Variants in HACE1 observed in about 807,000 individuals in gnomAD.
HACE1 encodes E3 ubiquitin-protein ligase HACE1.
Under a neutral mutation model 118.4 loss-of-function variants are expected in HACE1, and 73 were observed. That is an observed-to-expected ratio of 0.62 (90% CI 0.51 to 0.75). The LOEUF is 0.75. Ranked by LOEUF, HACE1 falls within the 30% of genes least tolerant of loss-of-function variation. The probability of loss-of-function intolerance (pLI) is 0.00; values close to 1 mark genes in which losing one functional copy is unlikely to be tolerated. For synonymous variants in HACE1, 368 were observed against 374.8 expected, an observed-to-expected ratio of 0.98 and a Z score of 0.21; for missense variants, 749 against 1,102.2, an observed-to-expected ratio of 0.68 and a Z score of 4.54.
chr6:104,834,347 T>C (rs954618605), intron 5 of HACE1, among the ~76,000 whole-genome samples: 2 of 152,220 alleles, frequency 1.3e-5, no homozygotes, highest in African/African-American at 4.8e-5. Flanking sequence ...CAATGCTATA[T>C]TCCTTACTTC....
At chr6:104,827,360 C>T (rs916405841) in intron 6 of HACE1, among the ~76,000 whole-genome samples, 1 of 152,118 alleles carries the variant, frequency 6.6e-6, no homozygotes, top group African/African-American at 2.4e-5. Flanking sequence ...TGAGTTATGG[C>T]AATGCACAAA....
intron 17 of HACE1, among the ~76,000 whole-genome samples, chr6:104,776,098 A>C (rs1781205843): frequency 6.6e-6 from 1 of 152,238 alleles, no homozygotes; most frequent in South Asian, 2.1e-4. Flanking sequence ...ATAGGGCACA[A>C]GCACCATTTC....
chr6:104,826,067 A>G (rs1322534136), intron 6 of HACE1, among the ~76,000 whole-genome samples: 1 of 152,122 alleles, frequency 6.6e-6, no homozygotes, highest in Non-Finnish European at 1.5e-5. Flanking sequence ...AGGAGCATGA[A>G]CTCTGTTGTA....
chr6:104,762,114 G>A (rs1779423424), intron 19 of HACE1, among the ~76,000 whole-genome samples: 2 of 152,182 alleles, frequency 1.3e-5, no homozygotes, highest in South Asian at 4.1e-4. Flanking sequence ...GTGTAAATTA[G>A]TTCAACCATT....
chr6:104,831,984 AAG>A (rs369448011), intron 6 of HACE1, among the ~76,000 whole-genome samples: 278 of 58,260 alleles, frequency 4.8e-3, no homozygotes, highest in East Asian at 0.021. Context: ...AGAAGAGAGG[AAG>A]GAAGGAAGGA....
rs1042923175 is a variant in HACE1 at position 104,845,405 on chromosome 6, A to G, written c.327-2107T>C. Among the ~76,000 whole-genome samples the G allele has an allele frequency of 2.7e-4, 41 of 152,236 alleles. 1 individual carries two copies. The highest frequency in any genetic ancestry group is 2.2e-3 in the Admixed American group (34 of 15,282). On this transcript the variant is annotated intron_variant, in intron 4 of 23. Coordinates refer to ENST00000262903, the MANE Select transcript of HACE1 (RefSeq NM_020771.4). ...TACTTTTCTTGCTTTTTGTACTTGT[A>G]ATGAAGTTAAATATCACTTAAAATT...
At chr6:104,793,091 C>T (rs780915268) in intron 10 of HACE1, among the ~76,000 whole-genome samples, 1 of 151,826 alleles carries the variant, frequency 6.6e-6, no homozygotes, top group Non-Finnish European at 1.5e-5. Context: ...CACAGTGAAA[C>T]CCCGTCTCTA....
chr6:104,798,627 A>G (rs1177140018), intron 7 of HACE1, among the ~76,000 whole-genome samples: 1 of 152,214 alleles, frequency 6.6e-6, no homozygotes, highest in African/African-American at 2.4e-5. Flanking sequence ...TCAAGCAAGA[A>G]GTCCTCATCA....
At chr6:104,738,875 C>T (rs1342957413) in intron 22 of HACE1, among the ~76,000 whole-genome samples, 1 of 150,990 alleles carries the variant, frequency 6.6e-6, no homozygotes, top group South Asian at 2.1e-4. Flanking sequence ...GTCAGATTCA[C>T]CAAAGCTGAA....
At chr6:104,818,908 C>T (rs575658884) in intron 6 of HACE1, among the ~76,000 whole-genome samples, 2 of 152,082 alleles carry the variant, frequency 1.3e-5, no homozygotes, top group Admixed American at 1.3e-4. Flanking sequence ...TATGAACCAT[C>T]TATGACAAAC....
At chr6:104,831,982 G>GAGAAGAGAA (rs1562471158) in intron 6 of HACE1, among the ~76,000 whole-genome samples, 1 of 52,982 alleles carries the variant, frequency 1.9e-5, no homozygotes, top group Non-Finnish European at 3.7e-5. Context: ...AGAGAAGAGA[G>GAGAAGAGAA]GAAGGAAGGA....
intron 6 of HACE1, among the ~76,000 whole-genome samples, chr6:104,816,314 C>A (rs1171754934): frequency 6.6e-6 from 1 of 152,328 alleles, no homozygotes; most frequent in Non-Finnish European, 1.5e-5. Flanking sequence ...GGGAAAATGG[C>A]TTCACAGGCC....
chr6:104,837,969 A>C (rs1442441761), intron 5 of HACE1, among the ~76,000 whole-genome samples: 2 of 152,178 alleles, frequency 1.3e-5, no homozygotes, highest in Non-Finnish European at 2.9e-5. Flanking sequence ...TGACAGCTAC[A>C]AATAAAATAA....
intron 19 of HACE1, among the ~76,000 whole-genome samples, chr6:104,754,330 T>C (rs568335158): frequency 6.6e-6 from 1 of 152,238 alleles, no homozygotes; most frequent in African/African-American, 2.4e-5. Context: ...AAAACATACT[T>C]CAGGATATCA....
At chr6:104,778,575 G>A (rs970527816) in intron 14 of HACE1, among the ~76,000 whole-genome samples, 7 of 151,736 alleles carry the variant, frequency 4.6e-5, no homozygotes, top group African/African-American at 1.2e-4. Flanking sequence ...CAGGAGGATC[G>A]CTTGAGCCCA....
At chr6:104,822,613 T>C (rs890259627) in intron 6 of HACE1, among the ~76,000 whole-genome samples, 1 of 151,944 alleles carries the variant, frequency 6.6e-6, no homozygotes, top group South Asian at 2.1e-4. Flanking sequence ...TCCTAGCACT[T>C]TGGGAGGCCG....
chr6:104,737,012 G>A (rs565088056), intron 22 of HACE1, among the ~76,000 whole-genome samples: 11 of 151,808 alleles, frequency 7.2e-5, no homozygotes, highest in South Asian at 2.1e-4. Context: ...GGCCAGGCAC[G>A]GTGGCTCACA....
chr6:104,791,098 C>T (rs1782974179), intron 11 of HACE1, among the ~76,000 whole-genome samples: 1 of 152,170 alleles, frequency 6.6e-6, no homozygotes, highest in South Asian at 2.1e-4. Flanking sequence ...AAAACACATA[C>T]AGACACACAT....
At chr6:104,845,311 T>C (rs767413249) in intron 4 of HACE1, among the ~76,000 whole-genome samples, 19 of 152,094 alleles carry the variant, frequency 1.2e-4, no homozygotes, top group Non-Finnish European at 2.2e-4. Flanking sequence ...TAATATTCAA[T>C]CTTGTAAGTC....
Sources: allele counts gnomAD v4.1 joint callset (sites outside exome capture counted in the v4.1 genomes callset), GRCh38; gene constraint gnomAD v4.1.1; transcripts MANE v1.5; gene names NCBI Gene and HGNC (gene_info 2026-07-23, HGNC 2026-07-21).